TRPM3: variants seen among roughly 807,000 people sequenced by gnomAD.
TRPM3 encodes the protein long transient receptor potential channel 3.
In TRPM3, 77 loss-of-function variants were observed where a neutral mutation model predicts 181.2. The observed-to-expected ratio is 0.42, with a 90% CI of 0.35 to 0.51. The LOEUF is 0.51. Among genes scored for constraint, TRPM3 ranks in the 20% least tolerant of loss-of-function variants. TRPM3 has a pLI of 0.01. For missense variants in TRPM3, 1,759 were observed against 2,196.7 expected (o/e 0.80, Z 3.98); for synonymous variants, 745 against 796.4 (o/e 0.94, Z 1.09).
chr9:70,836,051 T>C (rs2094298521), intron 5 of TRPM3, among the ~76,000 whole-genome samples: 3 of 152,204 alleles, frequency 2.0e-5, no homozygotes, highest in Non-Finnish European at 4.4e-5. Context: ...AATATTATTT[T>C]AGTTGTTGTT....
chr9:71,275,942 C>T (rs138353515), intron 1 of TRPM3, among the ~76,000 whole-genome samples: 29 of 151,626 alleles, frequency 1.9e-4, no homozygotes, highest in Non-Finnish European at 3.7e-4. Flanking sequence ...CCCGGGTTCA[C>T]GCCATTCTCC....
chr9:71,406,516 A>G (rs2093437912), intron 1 of TRPM3, among the ~76,000 whole-genome samples: 1 of 152,132 alleles, frequency 6.6e-6, no homozygotes, highest in African/African-American at 2.4e-5. Flanking sequence ...ACCAGGAGAA[A>G]AACACACCCC....
At chr9:71,420,747 AAGAG>A (rs1211935884) in intron 1 of TRPM3, among the ~76,000 whole-genome samples, 1 of 83,904 alleles carries the variant, frequency 1.2e-5, no homozygotes, top group African/African-American at 5.4e-5. Flanking sequence ...AAGAGAGAGA[AAGAG>A]AGAGAAAGAG....
At chr9:70,980,144 T>A (rs1342724577) in intron 1 of TRPM3, among the ~76,000 whole-genome samples, 2 of 150,640 alleles carry the variant, frequency 1.3e-5, no homozygotes, top group Admixed American at 1.3e-4. Context: ...GCCCTGGTTA[T>A]GAAATATTTA....
At chr9:71,090,849 T>C (rs2066080215) in intron 1 of TRPM3, among the ~76,000 whole-genome samples, 1 of 152,160 alleles carries the variant, frequency 6.6e-6, no homozygotes, top group Non-Finnish European at 1.5e-5. Flanking sequence ...TATTTAGTAC[T>C]GTGCCGGGCA....
chr9:70,872,342 T>C (rs532434528), intron 1 of TRPM3, among the ~76,000 whole-genome samples: 1 of 151,992 alleles, frequency 6.6e-6, no homozygotes, highest in Admixed American at 6.6e-5. Context: ...GTAGTGGTCT[T>C]AATAGACAGG....
chr9:70,664,707 G>A (rs914357598), intron 9 of TRPM3, among the ~76,000 whole-genome samples: 24 of 142,456 alleles, frequency 1.7e-4, no homozygotes, highest in African/African-American at 6.0e-4. Flanking sequence ...CTGGAGTGCA[G>A]TGGCATGATC....
At chr9:70,814,533 C>A (rs931102733) in intron 6 of TRPM3, among the ~76,000 whole-genome samples, 1 of 152,136 alleles carries the variant, frequency 6.6e-6, no homozygotes, top group Admixed American at 6.6e-5. Flanking sequence ...CTGATTTCAG[C>A]CATTATAAAA....
chr9:70,796,520 C>T (rs1379381511), intron 6 of TRPM3, among the ~76,000 whole-genome samples: 1 of 152,150 alleles, frequency 6.6e-6, no homozygotes, highest in Non-Finnish European at 1.5e-5. Flanking sequence ...TCCTTCAGGT[C>T]CCAGGTTCAA....
At chr9:70,895,224 T>C (rs2096265634) in intron 1 of TRPM3, among the ~76,000 whole-genome samples, 1 of 152,218 alleles carries the variant, frequency 6.6e-6, no homozygotes, top group African/African-American at 2.4e-5. Flanking sequence ...TTCTCAAATA[T>C]ACACAGCTTT....
At chr9:71,098,592 A>G (rs968083889) in intron 1 of TRPM3, among the ~76,000 whole-genome samples, 2 of 152,188 alleles carry the variant, frequency 1.3e-5, no homozygotes, top group Non-Finnish European at 1.5e-5. Flanking sequence ...AAAATCACTT[A>G]GCCTCGCTAG....
chr9:71,115,359 A>G (rs2072118418), intron 1 of TRPM3, among the ~76,000 whole-genome samples: 1 of 152,084 alleles, frequency 6.6e-6, no homozygotes, highest in Non-Finnish European at 1.5e-5. Context: ...TTTTCTGACA[A>G]GCTCCCCAAG....
chr9:71,355,609 G>A (rs188292562), intron 1 of TRPM3, among the ~76,000 whole-genome samples: 25 of 152,206 alleles, frequency 1.6e-4, no homozygotes, highest in African/African-American at 4.1e-4. Flanking sequence ...CTAGGAAGCC[G>A]ATAGAGTCCC....
chr9:70,760,194 C>A (rs2077850982), intron 8 of TRPM3, among the ~76,000 whole-genome samples: 1 of 151,570 alleles, frequency 6.6e-6, no homozygotes, highest in Non-Finnish European at 1.5e-5. Flanking sequence ...CCCACTGGTT[C>A]CTAGAATTTT....
chr9:71,110,611 T>C (rs1034630531), intron 1 of TRPM3, among the ~76,000 whole-genome samples: 1 of 152,174 alleles, frequency 6.6e-6, no homozygotes, highest in Admixed American at 6.6e-5. Context: ...TGGCCTTTTA[T>C]ACAAACCTTG....
At chr9:71,192,850 T>C (rs1181669200) in intron 1 of TRPM3, among the ~76,000 whole-genome samples, 1 of 151,864 alleles carries the variant, frequency 6.6e-6, no homozygotes, top group African/African-American at 2.4e-5. Context: ...GCTGTAGAAT[T>C]TCCCCCTATG....
intron 1 of TRPM3, among the ~76,000 whole-genome samples, chr9:70,901,266 G>T (rs2096382095): frequency 6.6e-6 from 1 of 152,156 alleles, no homozygotes; most frequent in Admixed American, 6.5e-5. Context: ...GACTTCCTTG[G>T]ACACAAGTAG....
intron 22 of TRPM3, among the ~76,000 whole-genome samples, chr9:70,571,063 C>A (rs955770016): frequency 6.6e-6 from 1 of 152,082 alleles, no homozygotes; most frequent in Non-Finnish European, 1.5e-5. Flanking sequence ...AATGGAAGCC[C>A]GTAGCATCTG....
chr9:70,936,180 T>C (rs2096827021), intron 1 of TRPM3, among the ~76,000 whole-genome samples: 3 of 152,248 alleles, frequency 2.0e-5, no homozygotes, highest in Admixed American at 6.5e-5. Context: ...AAATGTACTG[T>C]AAGTTTAATA....
Sources: allele counts gnomAD v4.1 joint callset (sites outside exome capture counted in the v4.1 genomes callset), GRCh38; gene constraint gnomAD v4.1.1; transcripts MANE v1.5; gene names NCBI Gene and HGNC (gene_info 2026-07-23, HGNC 2026-07-21).